Variants in UNC5D observed in about 807,000 individuals in gnomAD.
UNC5D encodes netrin receptor UNC5D.
In UNC5D, 39 loss-of-function variants were observed where a neutral mutation model predicts 105.4. That is an observed-to-expected ratio of 0.37 (90% CI 0.29 to 0.48). The LOEUF (loss-of-function observed/expected upper bound fraction) is 0.48, where lower values mean the gene tolerates loss of function less well. Among genes scored for constraint, UNC5D ranks in the 20% least tolerant of loss-of-function variants. The pLI is 0.98. For synonymous variants in UNC5D, 452 were observed against 450.4 expected (o/e 1.00, Z -0.04); for missense variants, 991 against 1,202.4 (o/e 0.82, Z 2.60).
At chr8:35,302,113 T>C (rs1760171538) in intron 1 of UNC5D, among the ~76,000 whole-genome samples, 3 of 152,160 alleles carry the variant, frequency 2.0e-5, no homozygotes, top group African/African-American at 7.2e-5. Flanking sequence ...AGGGATAGAA[T>C]TGGATCTGTT....
At chr8:35,407,507 T>TTGTA (rs59074158) in intron 1 of UNC5D, among the ~76,000 whole-genome samples, 13,023 of 150,870 alleles carry the variant, frequency 0.086, 652 homozygotes, top group African/African-American at 0.14. Context: ...AGGTTTTCAT[T>TTGTA]TGTATGTATG....
intron 11 of UNC5D, among the ~76,000 whole-genome samples, chr8:35,732,563 C>T (rs1427399229): frequency 6.6e-6 from 1 of 152,104 alleles, no homozygotes; most frequent in Non-Finnish European, 1.5e-5. Context: ...CTTTTTTACC[C>T]ATTAGGTTGA....
chr8:35,748,509 C>T lies in UNC5D; in HGVS notation c.1767-18C>T, dbSNP rs1830109908. On this transcript the variant is annotated intron_variant, in intron 11 of 16. Transcript: ENST00000404895. The stretch of plus-strand genomic sequence containing the variant: ...CCTCTACATACTTCTCTCTTCTATC[C>T]TTTTTTCAACTGTGAAGCCTCCAGT... 6.2e-7 allele frequency: 1 copy of T among 1,608,340 alleles called. No individual in the cohort carries two copies. The highest frequency in any genetic ancestry group is 1.3e-5 in the African/African-American group (1 of 74,640).
At chr8:35,252,262 A>T (rs1200326622) in intron 1 of UNC5D, among the ~76,000 whole-genome samples, 1 of 152,136 alleles carries the variant, frequency 6.6e-6, no homozygotes, top group Admixed American at 6.5e-5. Flanking sequence ...GAATAAATAT[A>T]GTTTTTAAAA....
intron 4 of UNC5D, among the ~76,000 whole-genome samples, chr8:35,677,760 C>T (rs1825348786): frequency 7.3e-6 from 1 of 136,536 alleles, no homozygotes; most frequent in Admixed American, 7.5e-5. Context: ...ACACCATAAA[C>T]ATCAAGTATA....
intron 8 of UNC5D, among the ~76,000 whole-genome samples, chr8:35,710,391 G>T (rs959046083): frequency 6.6e-6 from 1 of 152,204 alleles, no homozygotes; most frequent in Non-Finnish European, 1.5e-5. Flanking sequence ...CTGGTATGGG[G>T]AAAACTTGGC....
chr8:35,783,291 G>A (rs1228297706), intron 16 of UNC5D, among the ~76,000 whole-genome samples: 1 of 152,120 alleles, frequency 6.6e-6, no homozygotes, highest in Non-Finnish European at 1.5e-5. Flanking sequence ...TGAAATTATT[G>A]CATGAACCTG....
chr8:35,766,355 G>A (rs1226308204), intron 14 of UNC5D, among the ~76,000 whole-genome samples: 1 of 151,950 alleles, frequency 6.6e-6, no homozygotes, highest in East Asian at 1.9e-4. Context: ...CCCTGGCTGT[G>A]TGTATATGTG....
chr8:35,450,453 TG>T (rs1323449552), intron 1 of UNC5D, among the ~76,000 whole-genome samples: 1 of 152,176 alleles, frequency 6.6e-6, no homozygotes, highest in Non-Finnish European at 1.5e-5. Context: ...ATATCAAGAT[TG>T]TTTTTTTCCT....
chr8:35,585,699 T>A (rs1489878914), intron 3 of UNC5D, among the ~76,000 whole-genome samples: 1 of 151,956 alleles, frequency 6.6e-6, no homozygotes, highest in Non-Finnish European at 1.5e-5. Context: ...TTGAAGGATA[T>A]GATCTTTGTT....
chr8:35,763,919 G>C (rs532799303), intron 14 of UNC5D, among the ~76,000 whole-genome samples: 1 of 152,158 alleles, frequency 6.6e-6, no homozygotes, highest in African/African-American at 2.4e-5. Flanking sequence ...TAAATGCAGA[G>C]TTCCTAGGTG....
At chr8:35,327,774 G>A (rs552878356) in intron 1 of UNC5D, among the ~76,000 whole-genome samples, 2 of 152,220 alleles carry the variant, frequency 1.3e-5, no homozygotes, top group Admixed American at 1.3e-4. Context: ...CTGAGTTAAA[G>A]TTCCAAGCTC....
At chr8:35,533,126 C>A (rs1410342594) in intron 1 of UNC5D, among the ~76,000 whole-genome samples, 1 of 151,902 alleles carries the variant, frequency 6.6e-6, no homozygotes, top group African/African-American at 2.4e-5. Context: ...AGGCGCTCTG[C>A]ATTTTAGAGT....
chr8:35,407,660 A>G (rs889705943), intron 1 of UNC5D, among the ~76,000 whole-genome samples: 1 of 152,046 alleles, frequency 6.6e-6, no homozygotes, highest in Admixed American at 6.6e-5. Context: ...AGTACCCATT[A>G]GTTATTTTTT....
intron 4 of UNC5D, among the ~76,000 whole-genome samples, chr8:35,600,106 T>C (rs1032089358): frequency 6.6e-6 from 1 of 152,172 alleles, no homozygotes; most frequent in East Asian, 1.9e-4. Context: ...TCCAGCTTCA[T>C]CCATGTCCCT....
At chr8:35,250,917 G>A (rs1213871159) in intron 1 of UNC5D, among the ~76,000 whole-genome samples, 2 of 151,954 alleles carry the variant, frequency 1.3e-5, no homozygotes, top group African/African-American at 4.8e-5. Context: ...AGAACATGCA[G>A]TATTTGGTTT....
chr8:35,339,610 CT>C (rs1811311386), intron 1 of UNC5D, among the ~76,000 whole-genome samples: 1 of 152,180 alleles, frequency 6.6e-6, no homozygotes, highest in Admixed American at 6.5e-5. Context: ...ACCTGAATTC[CT>C]TGTGTGCTGC....
At chr8:35,592,607 G>T (rs900776316) in intron 3 of UNC5D, among the ~76,000 whole-genome samples, 1 of 152,150 alleles carries the variant, frequency 6.6e-6, no homozygotes, top group African/African-American at 2.4e-5. Context: ...TTGTTGGTAA[G>T]TTTACCCTCC....
At chr8:35,431,008 T>TTA (rs1221284272) in intron 1 of UNC5D, among the ~76,000 whole-genome samples, 1 of 152,196 alleles carries the variant, frequency 6.6e-6, no homozygotes, top group Non-Finnish European at 1.5e-5. Flanking sequence ...ATTATTGTTA[T>TTA]TACCTCTGTG....
Sources: allele counts gnomAD v4.1 joint callset (sites outside exome capture counted in the v4.1 genomes callset), GRCh38; gene constraint gnomAD v4.1.1; transcripts MANE v1.5; gene names NCBI Gene and HGNC (gene_info 2026-07-23, HGNC 2026-07-21).